Variants in HMX1 observed in about 807,000 individuals in gnomAD.
The protein encoded by HMX1 is homeobox protein HMX1.
Under a neutral mutation model 8.9 loss-of-function variants are expected in HMX1, and 8 were observed. That is an observed-to-expected ratio of 0.90 (90% confidence interval 0.53 to 1.63). The LOEUF (loss-of-function observed/expected upper bound fraction) is 1.63. HMX1 is among the 40% of genes most tolerant of loss of function. The pLI, the probability that HMX1 is intolerant of heterozygous loss-of-function variation, is 0.00. For synonymous variants in HMX1, 311 were observed against 283.4 expected (o/e 1.10, Z -0.98); for missense variants, 621 against 558.5 (o/e 1.11, Z -1.13).
downstream of HMX1, among the ~76,000 whole-genome samples, chr4:8,862,214 G>A (rs1229946187): frequency 1.3e-5 from 2 of 152,224 alleles, no homozygotes; most frequent in Non-Finnish European, 2.9e-5. Flanking sequence ...GTTTAAATGC[G>A]AACATTCTAG....
At position 8,871,036 on chromosome 4, in the gene HMX1, G is replaced by A. The variant is rs1046045844; in HGVS notation, c.394+185C>T. On this transcript the variant is annotated intron_variant, in intron 1 of 1. Transcript: ENST00000400677. The surrounding 1 kb of genome is among the most constrained non-coding windows in gnomAD (Gnocchi z 4.8). ...CCTCGTTAGCGGAGCTCCTGCCCCA[G>A]AGGGTGGGCCTCCAAACCAGCCCAA... 1.4e-4 allele frequency among the ~76,000 whole-genome samples: 21 copies of A among 151,360 alleles called. No individual in the cohort carries two copies. The highest frequency in any genetic ancestry group is 5.1e-4 in the African/African-American group (21 of 41,366).
chr4:8,868,383 C>A lies in HMX1; in HGVS notation c.395-38G>T, dbSNP rs1560184715. 2 of 1,327,368 alleles carry A rather than the reference C, an allele frequency of 1.5e-6. No individual in the cohort carries two copies. Among genetic ancestry groups the A allele is most frequent in the South Asian group, 1.9e-5 (1 of 52,334 alleles). The allele number at this position is 1,327,368 out of a possible 1,614,324, so 82.2% of individuals were successfully genotyped here. ...GAGGGCACCACCGTTGGTTCTAGGG[C>A]ACTGATTACCAGACTCAATCACTGA... On this transcript the variant is annotated intron_variant, in intron 1 of 1. Coordinates refer to ENST00000400677, the MANE Select transcript of HMX1 (RefSeq NM_018942.3). The surrounding 1 kb of genome is among the most constrained non-coding windows in gnomAD (Gnocchi z 4.6).
chr4:8,855,831 A>G (rs558096783), intron 1 of HMX1, among the ~76,000 whole-genome samples: 1 of 152,164 alleles, frequency 6.6e-6, no homozygotes, highest in South Asian at 2.1e-4. Flanking sequence ...GCTGACCTGC[A>G]GAAGCCTCTG....
Position 8,867,266 on chromosome 4 carries a change from G to GTT in HMX1, c.*425_*426dup. ...GCTGTCTGGGTCCCAGGAAAGGGAC[G>GTT]TTTAGTGTTGGGGGCAGTCTGTGGG... On this transcript the variant is annotated 3_prime_UTR_variant, in exon 2 of 2. Coordinates refer to ENST00000400677, the MANE Select transcript of HMX1 (RefSeq NM_018942.3). The GTT allele has an allele frequency of 1.0e-6, 1 of 986,676 alleles. No homozygotes were observed. The highest frequency in any genetic ancestry group is 1.2e-6 in the Non-Finnish European group (1 of 830,800). 61.1% of individuals were successfully genotyped at this position (986,676 alleles called of 1,614,324 possible).
downstream of HMX1, among the ~76,000 whole-genome samples, chr4:8,866,264 C>T (rs560718359): frequency 1.3e-5 from 2 of 152,232 alleles, no homozygotes; most frequent in Admixed American, 6.5e-5. Context: ...CCAAGACCAG[C>T]GTATGGCCCG....
In HMX1 at chr4:8,871,414, C is replaced by A; in HGVS notation, c.201G>T (p.Arg67=). Residue 67 remains arginine, a synonymous_variant, in exon 1 of 2, where the codon CGG becomes CGT. Transcript: ENST00000400677. The surrounding 1 kb of genome is among the most constrained non-coding windows in gnomAD (Gnocchi z 4.8). ...CGGTGCCCGCGAGCAACTGTCGCCG[C>A]CGCTGTAGCCGTCGCCGCCGCGCCT... The part of the protein sequence containing the change: ...AEQARRRRLQ[R]RRQLLAGTGP... 1 of 1,293,492 alleles carries A rather than the reference C, an allele frequency of 7.7e-7. No homozygotes were observed. The highest frequency in any genetic ancestry group is 9.9e-7 in the Non-Finnish European group (1 of 1,010,838). 80.1% of individuals were successfully genotyped at this position (1,293,492 alleles called of 1,614,324 possible). A position where few individuals can be genotyped will look rare whatever the true frequency, so the allele number is the denominator to read the frequency against.
At chr4:8,855,998 A>T (rs1309160628) in intron 1 of HMX1, among the ~76,000 whole-genome samples, 1 of 152,218 alleles carries the variant, frequency 6.6e-6, no homozygotes, top group Non-Finnish European at 1.5e-5. Context: ...GCTTGGGGAC[A>T]GATGAACAAC....
intron 1 of HMX1, among the ~76,000 whole-genome samples, chr4:8,861,106 C>G (rs1721796428): frequency 6.6e-6 from 1 of 152,070 alleles, no homozygotes; most frequent in Admixed American, 6.5e-5. Flanking sequence ...CCGGACACAG[C>G]GGAGCTGGCG....
rs149662001 is a variant in HMX1, at chr4:8,849,418, A to G, written c.395-3094T>C. Among the ~76,000 whole-genome samples the G allele has an allele frequency of 0.027, 4,154 of 152,090 alleles. 83 individuals are homozygous for G. The highest frequency in any genetic ancestry group is 0.042 in the Admixed American group (648 of 15,296). On this transcript the variant is annotated intron_variant, in intron 1 of 1. Transcript: ENST00000506970. The surrounding 1 kb of genome is among the most constrained non-coding windows in gnomAD (Gnocchi z 6.6). The stretch of plus-strand genomic sequence containing the variant: ...AGAAGGCGGGCACTCAGCTGGCACC[A>G]CGTGGCCTTGAGCCACAGATTGCCA...
At chr4:8,860,923 CAGACGCCAGAG>C (rs1330801421) in intron 1 of HMX1, 1 of 150,536 alleles carries the variant, frequency 6.6e-6, no homozygotes, top group Non-Finnish European at 1.5e-5. Flanking sequence ...GCCAGACTTC[CAGACGCCAGAG>C]AGACGCCAGG....
At chr4:8,856,485 C>T (rs891529626) in intron 1 of HMX1, among the ~76,000 whole-genome samples, 5 of 152,000 alleles carry the variant, frequency 3.3e-5, no homozygotes, top group Non-Finnish European at 7.4e-5. Flanking sequence ...AGAGGCCGGG[C>T]AGGGGAAGGG....
downstream of HMX1, among the ~76,000 whole-genome samples, chr4:8,865,540 G>A (rs988375523): frequency 2.0e-5 from 3 of 152,072 alleles, no homozygotes; most frequent in Admixed American, 6.5e-5. Flanking sequence ...TCCTGGACTC[G>A]CAGCGATGTG....
At position 8,868,118 on chromosome 4, in the gene HMX1, TGC is replaced by T; in HGVS notation, c.620_621del (p.Arg207HisfsTer41). 6.6e-7 allele frequency: 1 copy of T among 1,517,542 alleles called. No individual in the cohort carries two copies. The allele number at this position is 1,517,542 out of a possible 1,614,324, so 94.0% of individuals were successfully genotyped here. Reference protein sequence around the residue: ...GVGGGRKKKTRTVFSRSQVFQ... With the variant: ...GVGGGRKKKTXTVFSRSQVFQ... ...AAGACCTGGCTGCGGGAGAAGACTG[TGC>T]GCGTCTTCTTCTTTCGGCCGCCGCC... On this transcript the variant is annotated frameshift_variant, in exon 2 of 2. Transcript: ENST00000400677. LOFTEE classifies it low-confidence loss of function (END_TRUNC). The surrounding 1 kb of genome is among the most constrained non-coding windows in gnomAD (Gnocchi z 4.6).
At position 8,868,125 on chromosome 4, in the gene HMX1, C is replaced by G; in HGVS notation, c.615G>C (p.Lys205Asn). Residue 205 changes from lysine (K) to asparagine (N), a missense_variant, in exon 2 of 2, where the codon AAG becomes AAC. By Grantham distance (94) the Lys-to-Asn change is moderately conservative. Coordinates refer to ENST00000400677, the MANE Select transcript of HMX1 (RefSeq NM_018942.3). This position sits in a 1 kb window ranked among gnomAD's most constrained non-coding sequence, Gnocchi z 4.6. ...GVGVGGGRKK[K>N]TRTVFSRSQV... ...GGCTGCGGGAGAAGACTGTGCGCGT[C>G]TTCTTCTTTCGGCCGCCGCCCACGC... is the stretch of plus-strand genomic sequence containing the variant. 6.6e-7 allele frequency: 1 copy of G among 1,514,936 alleles called. No individual in the cohort carries two copies. The highest frequency in any genetic ancestry group is 8.8e-7 in the Non-Finnish European group (1 of 1,135,852). 93.8% of individuals were successfully genotyped at this position (1,514,936 alleles called of 1,614,324 possible).
chr4:8,860,440 C>T (rs1245387015), intron 1 of HMX1, among the ~76,000 whole-genome samples: 1 of 152,250 alleles, frequency 6.6e-6, no homozygotes, highest in Non-Finnish European at 1.5e-5. Context: ...ACGATGACCA[C>T]TCCGCAGATG....
intron 1 of HMX1, among the ~76,000 whole-genome samples, chr4:8,861,733 C>T (rs936346469): frequency 6.6e-6 from 1 of 152,234 alleles, no homozygotes; most frequent in African/African-American, 2.4e-5. Flanking sequence ...GGCCTCTGCG[C>T]CTCTCTCTGG....
rs4279291 is a variant in HMX1 at position 8,870,056 on chromosome 4, A to G, written c.394+1165T>C. On this transcript the variant is annotated intron_variant, in intron 1 of 1. Coordinates refer to ENST00000400677, the MANE Select transcript of HMX1 (RefSeq NM_018942.3). This position sits in a 1 kb window ranked among gnomAD's most constrained non-coding sequence, Gnocchi z 4.4. Reference sequence around the variant, plus strand: ...CGAGATGTGGGGGCTTTTGCAAAGGATCACTCCACGACATGGAAAGGGTTA... The same window carrying G: ...CGAGATGTGGGGGCTTTTGCAAAGGGTCACTCCACGACATGGAAAGGGTTA... Among the ~76,000 whole-genome samples, 12,597 of 151,940 alleles carry G rather than the reference A, an allele frequency of 0.083. 1,371 individuals are homozygous for G. Among genetic ancestry groups the G allele is most frequent in the African/African-American group, 0.25 (10,297 of 41,394 alleles).
Position 8,867,547 on chromosome 4 carries a change from G to T in HMX1, c.*146C>A, listed in dbSNP as rs146878642. On this transcript the variant is annotated 3_prime_UTR_variant, in exon 2 of 2. Transcript: ENST00000400677. ...TCCCCACAGAAGCTGAGGCCCGCCC[G>T]GCCGCGGCCTGCGCTCCCGAGGTAT... The T allele has an allele frequency of 4.0e-5, 47 of 1,184,192 alleles. No individual in the cohort carries two copies. Among genetic ancestry groups the T allele is most frequent in the Non-Finnish European group, 4.7e-5 (45 of 957,680 alleles). 73.4% of individuals were successfully genotyped at this position (1,184,192 alleles called of 1,614,324 possible).
intron 1 of HMX1, among the ~76,000 whole-genome samples, chr4:8,850,498 G>A (rs1056657374): frequency 2.0e-5 from 3 of 151,936 alleles, no homozygotes; most frequent in East Asian, 1.9e-4. Flanking sequence ...GGCAGACTGC[G>A]CCCTCCTCCA....
Sources: gnomAD v4.1 joint callset for allele counts (sites outside exome capture counted in the v4.1 genomes callset) on GRCh38, gnomAD v4.1.1 for gene constraint, Gnocchi (gnomAD v3.1) non-coding constraint, MANE v1.5 for transcripts, NCBI Gene and HGNC (gene_info 2026-07-23, HGNC 2026-07-21) for gene names.